The following CNTNAP4 variants were observed in gnomAD, a reference collection of about 807,000 sequenced individuals.
The protein encoded by CNTNAP4 is contactin-associated protein-like 4.
A neutral mutation model predicts 148.4 loss-of-function variants in CNTNAP4; 98 were observed. The observed-to-expected ratio is 0.66, with a 90% CI of 0.56 to 0.78. CNTNAP4 has a LOEUF of 0.78. Among genes scored for constraint, CNTNAP4 ranks in the 30% least tolerant of loss-of-function variants. CNTNAP4 has a pLI of 0.00. For missense variants in CNTNAP4, 1,935 were observed against 1,565.6 expected, an observed-to-expected ratio of 1.24 and a Z score of -3.98; for synonymous variants, 730 against 565.1, an observed-to-expected ratio of 1.29 and a Z score of -4.14.
At chr16:76,441,377 A>T (rs1401046675) in intron 4 of CNTNAP4, among the ~76,000 whole-genome samples, 2 of 152,188 alleles carry the variant, frequency 1.3e-5, no homozygotes, top group Non-Finnish European at 2.9e-5. Context: ...TTCTATTGCA[A>T]AGCTCTTAAT....
intron 12 of CNTNAP4, among the ~76,000 whole-genome samples, chr16:76,480,009 G>A (rs1212362158): frequency 3.3e-5 from 5 of 152,020 alleles, no homozygotes; most frequent in East Asian, 3.9e-4. Context: ...ACCTTGTTTC[G>A]ATAAAGACCA....
chr16:76,462,380 T>C (rs1224503259), intron 9 of CNTNAP4, among the ~76,000 whole-genome samples: 2 of 152,174 alleles, frequency 1.3e-5, no homozygotes, highest in East Asian at 3.9e-4. Context: ...TTGCTATATT[T>C]TCCTAATGTT....
rs776772761 is a variant in CNTNAP4 at position 76,317,604 on chromosome 16, G to A, written c.196+1081G>A. Among the ~76,000 whole-genome samples the A allele has an allele frequency of 3.3e-5, 5 of 152,208 alleles. No homozygotes were observed. In the South Asian group the frequency reaches 6.2e-4, roughly 19 times the overall value. On this transcript the variant is annotated intron_variant, in intron 2 of 23. Coordinates refer to ENST00000611870, the MANE Select transcript of CNTNAP4 (RefSeq NM_033401.5). Reference sequence around the variant, plus strand: ...TTCTCCCATTTATTATCCTCCTCTCGTGGCAACATCAGTCAGTCACTTCTA... The same window carrying A: ...TTCTCCCATTTATTATCCTCCTCTCATGGCAACATCAGTCAGTCACTTCTA...
chr16:76,469,615 T>A (rs1238737358), intron 10 of CNTNAP4: 2 of 152,228 alleles, frequency 1.3e-5, no homozygotes, highest in Non-Finnish European at 2.9e-5. Flanking sequence ...GGAGCTGCCA[T>A]GTCACACAAG....
At chr16:76,284,421 G>T (rs1022200723) in intron 1 of CNTNAP4, among the ~76,000 whole-genome samples, 1 of 151,854 alleles carries the variant, frequency 6.6e-6, no homozygotes. Flanking sequence ...GAAAGTGAAA[G>T]AAATGCCCCA....
At chr16:76,544,559 G>T (rs551734208) in intron 21 of CNTNAP4, among the ~76,000 whole-genome samples, 2 of 152,260 alleles carry the variant, frequency 1.3e-5, no homozygotes, top group African/African-American at 4.8e-5. Context: ...AAAGTTTAGA[G>T]CTATAGTGGG....
chr16:76,530,125 C>G (rs914146946), intron 17 of CNTNAP4, among the ~76,000 whole-genome samples: 2 of 151,940 alleles, frequency 1.3e-5, no homozygotes, highest in African/African-American at 4.8e-5. Context: ...GATCTTCGAC[C>G]TCTCTGTGAG....
At chr16:76,499,991 C>T (rs1050909059) in intron 15 of CNTNAP4, among the ~76,000 whole-genome samples, 3 of 152,150 alleles carry the variant, frequency 2.0e-5, no homozygotes, top group Non-Finnish European at 4.4e-5. Flanking sequence ...TCTGATCTCT[C>T]TTTCTTTTCC....
intron 23 of CNTNAP4, among the ~76,000 whole-genome samples, chr16:76,555,523 T>C (rs1033009930): frequency 6.6e-6 from 1 of 152,220 alleles, no homozygotes; most frequent in East Asian, 1.9e-4. Flanking sequence ...TCTTATAATA[T>C]TGCTTTTTCC....
chr16:76,447,055 C>T (rs1178985928), intron 4 of CNTNAP4, among the ~76,000 whole-genome samples: 4 of 152,120 alleles, frequency 2.6e-5, no homozygotes, highest in East Asian at 1.9e-4. Context: ...CGCCTTTAAT[C>T]GCAGCACTTT....
At chr16:76,393,039 T>A (rs1246160642) in intron 3 of CNTNAP4, among the ~76,000 whole-genome samples, 2 of 152,226 alleles carry the variant, frequency 1.3e-5, no homozygotes, top group African/African-American at 4.8e-5. Context: ...AGCACAATTG[T>A]CTAAATTGTA....
chr16:76,518,528 A>C (rs1702934991), intron 15 of CNTNAP4, among the ~76,000 whole-genome samples: 1 of 152,036 alleles, frequency 6.6e-6, no homozygotes, highest in Non-Finnish European at 1.5e-5. Flanking sequence ...TTGTTATTTA[A>C]ATTTTTTTCT....
At chr16:76,331,366 T>C (rs1012427148) in intron 2 of CNTNAP4, among the ~76,000 whole-genome samples, 3 of 151,920 alleles carry the variant, frequency 2.0e-5, no homozygotes, top group African/African-American at 7.3e-5. Context: ...TTTTTGTATT[T>C]TTTAGTAGAG....
chr16:76,285,306 G>A (rs1382527692), intron 1 of CNTNAP4, among the ~76,000 whole-genome samples: 4 of 151,992 alleles, frequency 2.6e-5, no homozygotes, highest in Admixed American at 2.6e-4. Context: ...GTAATAATTG[G>A]AGAAGTGAGT....
chr16:76,463,619 G>A (rs910888337), intron 9 of CNTNAP4, among the ~76,000 whole-genome samples: 11 of 152,016 alleles, frequency 7.2e-5, no homozygotes, highest in African/African-American at 1.4e-4. Flanking sequence ...CTGCACACCC[G>A]ACATCCAGTT....
intron 1 of CNTNAP4, among the ~76,000 whole-genome samples, chr16:76,289,461 C>A (rs1474490723): frequency 6.6e-6 from 1 of 151,454 alleles, no homozygotes; most frequent in East Asian, 1.9e-4. Context: ...AGCAGTGTGA[C>A]CACAGCCTCC....
At chr16:76,545,968 G>A (rs532456591) in intron 21 of CNTNAP4, among the ~76,000 whole-genome samples, 37 of 152,206 alleles carry the variant, frequency 2.4e-4, no homozygotes, top group African/African-American at 8.7e-4. Context: ...CCGAGAGGCG[G>A]AGGTTGCGGT....
chr16:76,433,565 T>G (rs1221105314), intron 4 of CNTNAP4, among the ~76,000 whole-genome samples: 1 of 152,020 alleles, frequency 6.6e-6, no homozygotes, highest in Non-Finnish European at 1.5e-5. Context: ...AAGAGGACAA[T>G]TTAAAAAGTA....
chr16:76,407,268 C>T (rs1212251075), intron 3 of CNTNAP4, among the ~76,000 whole-genome samples: 2 of 152,192 alleles, frequency 1.3e-5, no homozygotes, highest in Non-Finnish European at 2.9e-5. Context: ...AGTCTGCCTG[C>T]CTTGGCCTCC....
Sources: allele counts gnomAD v4.1 joint callset (sites outside exome capture counted in the v4.1 genomes callset), GRCh38; gene constraint gnomAD v4.1.1; transcripts MANE v1.5; gene names NCBI Gene and HGNC (gene_info 2026-07-23, HGNC 2026-07-21).